FARS2: variants seen among roughly 807,000 people sequenced by gnomAD.
The protein encoded by FARS2 is phenylalanyl-tRNA synthetase 2, mitochondrial.
FARS2 carries 40 observed loss-of-function variants against 46.4 expected under a neutral mutation model. The ratio of observed to expected loss-of-function variants is 0.86; its 90% confidence interval spans 0.67 to 1.12. FARS2 has a LOEUF of 1.12. Among genes scored for constraint, FARS2 ranks in the 50% most tolerant of loss-of-function variants. FARS2 has a pLI of 0.00. For missense variants in FARS2, 513 were observed against 567.9 expected (o/e 0.90, Z 0.98); for synonymous variants, 234 against 214.9 (o/e 1.09, Z -0.78).
At chr6:5,333,141 C>T (rs1395094757) in intron 1 of FARS2, among the ~76,000 whole-genome samples, 1 of 150,206 alleles carries the variant, frequency 6.7e-6, no homozygotes, top group African/African-American at 2.4e-5. Flanking sequence ...GGAGTTATGG[C>T]AGTGAAATTA....
At chr6:5,687,755 A>T (rs773651406) in intron 6 of FARS2, among the ~76,000 whole-genome samples, 3 of 152,182 alleles carry the variant, frequency 2.0e-5, no homozygotes, top group Non-Finnish European at 2.9e-5. Flanking sequence ...TGGTAACTTG[A>T]TGGGTATGGC....
At chr6:5,600,528 C>T (rs76141479) in intron 5 of FARS2, among the ~76,000 whole-genome samples, 1 of 151,942 alleles carries the variant, frequency 6.6e-6, no homozygotes, top group African/African-American at 2.4e-5. Context: ...AACTCACCAG[C>T]CAAATTTGAT....
intron 1 of FARS2, among the ~76,000 whole-genome samples, chr6:5,329,186 G>T (rs1770615442): frequency 6.6e-6 from 1 of 151,706 alleles, no homozygotes; most frequent in Non-Finnish European, 1.5e-5. Context: ...TTGATTGGAG[G>T]CAATCCTTAT....
intron 4 of FARS2, among the ~76,000 whole-genome samples, chr6:5,515,896 T>C (rs1268597855): frequency 1.3e-5 from 2 of 152,270 alleles, no homozygotes; most frequent in East Asian, 3.8e-4. Context: ...TTATATCATA[T>C]TAATTACATT....
intron 4 of FARS2, among the ~76,000 whole-genome samples, chr6:5,533,712 T>C (rs1012644019): frequency 2.0e-5 from 3 of 151,648 alleles, no homozygotes; most frequent in African/African-American, 7.3e-5. Context: ...GATGGAGAGG[T>C]TTACAATTTT....
chr6:5,561,956 C>T (rs1331400310), intron 5 of FARS2, among the ~76,000 whole-genome samples: 1 of 151,906 alleles, frequency 6.6e-6, no homozygotes, highest in Non-Finnish European at 1.5e-5. Flanking sequence ...AGCTTCTTTT[C>T]TTCTCCATTT....
At chr6:5,725,122 T>C (rs1394948118) in intron 6 of FARS2, among the ~76,000 whole-genome samples, 1 of 152,270 alleles carries the variant, frequency 6.6e-6, no homozygotes, top group African/African-American at 2.4e-5. Flanking sequence ...GGGATTTCCA[T>C]GAAATCTCTG....
intron 6 of FARS2, among the ~76,000 whole-genome samples, chr6:5,615,561 G>A (rs1775425334): frequency 6.6e-6 from 1 of 152,118 alleles, no homozygotes; most frequent in Non-Finnish European, 1.5e-5. Flanking sequence ...AAAATATTTA[G>A]CCAGAAATTT....
At chr6:5,410,350 C>CG (rs1369081485) in intron 3 of FARS2, among the ~76,000 whole-genome samples, 2 of 151,716 alleles carry the variant, frequency 1.3e-5, no homozygotes, top group Non-Finnish European at 2.9e-5. Context: ...TTAGTAGAGA[C>CG]GGGGTTTCAC....
chr6:5,489,694 T>A (rs941833656), intron 4 of FARS2, among the ~76,000 whole-genome samples: 29 of 152,204 alleles, frequency 1.9e-4, no homozygotes, highest in African/African-American at 6.5e-4. Flanking sequence ...ATATTAGTCT[T>A]CAGATAGGCC....
At chr6:5,284,572 G>T (rs1304182258) in intron 1 of FARS2, among the ~76,000 whole-genome samples, 1 of 152,150 alleles carries the variant, frequency 6.6e-6, no homozygotes, top group African/African-American at 2.4e-5. Flanking sequence ...ATCATAAATA[G>T]TGCTTATGTT....
At chr6:5,561,419 A>G (rs1430518602) in intron 5 of FARS2, among the ~76,000 whole-genome samples, 3 of 152,058 alleles carry the variant, frequency 2.0e-5, no homozygotes, top group South Asian at 2.1e-4. Context: ...TGTTACTCCC[A>G]TTCTTGAATG....
intron 4 of FARS2, among the ~76,000 whole-genome samples, chr6:5,465,734 T>C (rs1191434066): frequency 6.6e-6 from 1 of 152,190 alleles, no homozygotes; most frequent in Non-Finnish European, 1.5e-5. Flanking sequence ...TATCTTTTTT[T>C]CTTTCAATAA....
chr6:5,663,608 G>A (rs924794756), intron 6 of FARS2, among the ~76,000 whole-genome samples: 11 of 152,254 alleles, frequency 7.2e-5, no homozygotes, highest in Admixed American at 5.2e-4. Context: ...TTAAAAGAGC[G>A]GAGAGGAGAG....
rs934288972 is a variant in FARS2 at position 5,717,456 on chromosome 6, TG to T, written c.1218-53833del. Among the ~76,000 whole-genome samples, 75 of 152,040 alleles carry T rather than the reference TG, an allele frequency of 4.9e-4. 1 individual carries two copies. Among genetic ancestry groups the T allele is most frequent in the African/African-American group, 1.8e-3 (73 of 41,468 alleles). On this transcript the variant is annotated intron_variant, in intron 6 of 6. Coordinates refer to ENST00000274680, the MANE Select transcript of FARS2 (RefSeq NM_006567.5). ...GTTGTTTTTGAAGAAACTGGGTTGTTGGCCCTGTGCAGTTTCCCATGTTTGG... is the reference window on the plus strand; with the variant it reads ...GTTGTTTTTGAAGAAACTGGGTTGTTGCCCTGTGCAGTTTCCCATGTTTGG...
At chr6:5,697,141 A>G (rs955286878) in intron 6 of FARS2, among the ~76,000 whole-genome samples, 3 of 152,078 alleles carry the variant, frequency 2.0e-5, no homozygotes, top group African/African-American at 7.2e-5. Flanking sequence ...TTTGGAAAAT[A>G]CCGGTAAGCT....
chr6:5,389,766 A>G (rs1330447034), intron 2 of FARS2, among the ~76,000 whole-genome samples: 1 of 152,184 alleles, frequency 6.6e-6, no homozygotes, highest in African/African-American at 2.4e-5. Flanking sequence ...AAAATGTTAC[A>G]TCTGTTTCTG....
upstream of FARS2, chr6:5,260,855 C>T (rs1765047993): frequency 6.7e-7 from 1 of 1,491,506 alleles, no homozygotes; most frequent in African/African-American, 1.4e-5. Context: ...TCGGCTTTGC[C>T]AGCGGGCCGG....
At chr6:5,741,553 C>T (rs1168156494) in intron 6 of FARS2, among the ~76,000 whole-genome samples, 1 of 152,230 alleles carries the variant, frequency 6.6e-6, no homozygotes, top group Non-Finnish European at 1.5e-5. Flanking sequence ...CGGGACCACT[C>T]CCATGGGGTC....
Sources: allele counts gnomAD v4.1 joint callset (sites outside exome capture counted in the v4.1 genomes callset), GRCh38; gene constraint gnomAD v4.1.1; transcripts MANE v1.5; gene names NCBI Gene and HGNC (gene_info 2026-07-23, HGNC 2026-07-21).